Variants in PLEKHH2 observed in about 807,000 individuals in gnomAD.
The protein encoded by PLEKHH2 is pleckstrin homology domain-containing family H member 2.
In PLEKHH2, 129 loss-of-function variants were observed where a neutral mutation model predicts 187.9. The observed-to-expected ratio is 0.69, with a 90% CI of 0.59 to 0.79. The LOEUF is 0.79. PLEKHH2 is among the 30% of genes least tolerant of loss of function. The probability of loss-of-function intolerance (pLI) is 0.00; values close to 1 mark genes in which losing one functional copy is unlikely to be tolerated. For missense variants in PLEKHH2, 2,076 were observed against 1,751.2 expected (o/e 1.19, Z -3.31); for synonymous variants, 686 against 605.6 (o/e 1.13, Z -1.95).
At chr2:43,683,903 A>G (rs528676518) in intron 3 of PLEKHH2, among the ~76,000 whole-genome samples, 2 of 152,274 alleles carry the variant, frequency 1.3e-5, no homozygotes, top group East Asian at 3.9e-4. Context: ...TCAGATTTAC[A>G]GCAAAATTGA....
chr2:43,669,060 T>G lies in PLEKHH2; in HGVS notation c.124-9803T>G, dbSNP rs549000972. Among the ~76,000 whole-genome samples, 11 of 152,280 alleles carry G rather than the reference T, an allele frequency of 7.2e-5. No homozygotes were observed. The East Asian group carries it at 2.1e-3, about 29-fold the overall frequency. ...AGAGCTCCAGGAATAGTCCGTTACT[T>G]AAACTTACAAGGGCTTCTCAGTCCT... On this transcript the variant is annotated intron_variant, in intron 2 of 29. Coordinates refer to ENST00000282406, the MANE Select transcript of PLEKHH2 (RefSeq NM_172069.4).
At chr2:43,740,805 G>T (rs1671528330) in intron 20 of PLEKHH2, 141 bp from the exon 21 acceptor site, 4 of 1,365,598 alleles carry the variant, frequency 2.9e-6, no homozygotes, top group Admixed American at 3.1e-5. Flanking sequence ...TATGATAAAT[G>T]CTGTAAACAG....
intron 24 of PLEKHH2, among the ~76,000 whole-genome samples, chr2:43,751,214 G>A (rs1030105891): frequency 2.6e-5 from 4 of 152,210 alleles, no homozygotes; most frequent in Admixed American, 1.3e-4. Context: ...TGACGCATAC[G>A]TACAAGAGGT....
At position 43,697,173 on chromosome 2, in the gene PLEKHH2, G is replaced by A. The variant is rs773800805; in HGVS notation, c.505G>A (p.Val169Ile). The A allele has an allele frequency of 6.4e-7, 1 of 1,566,554 alleles. No homozygotes were observed. ...IRTMQSKLQEVQGKKSSTVST... is the reference protein window; with the variant it reads ...IRTMQSKLQEIQGKKSSTVST... The stretch of plus-strand genomic sequence containing the variant: ...AATTTTGATTAACGATGTTGTAGAA[G>A]TTCAAGGAAAGAAGTCATCCACTGT... Residue 169 changes from valine (V) to isoleucine (I), a missense_variant and splice_region_variant, in exon 7 of 30, where the codon GTT becomes ATT. Transcript: ENST00000282406.
At chr2:43,709,240 G>T (rs1433349374) in intron 11 of PLEKHH2, among the ~76,000 whole-genome samples, 1 of 152,078 alleles carries the variant, frequency 6.6e-6, no homozygotes, top group Non-Finnish European at 1.5e-5. Flanking sequence ...TCTGTAAACT[G>T]CTTAGTAGCT....
Position 43,678,112 on chromosome 2 carries a change from G to A in PLEKHH2, c.124-751G>A, listed in dbSNP as rs193086070. Among the ~76,000 whole-genome samples, 501 of 151,544 alleles carry A rather than the reference G, an allele frequency of 3.3e-3. 7 individuals carry two copies. The highest frequency in any genetic ancestry group is 1.0e-3 in the Non-Finnish European group (68 of 67,852). On this transcript the variant is annotated intron_variant, in intron 2 of 29. Coordinates refer to ENST00000282406, the MANE Select transcript of PLEKHH2 (RefSeq NM_172069.4). ...AGAGGCGCTCCTCACATTCCAGACCGGGCGGCGGGGCAGAGGCGCTCCCCA... is the reference window on the plus strand; with the variant it reads ...AGAGGCGCTCCTCACATTCCAGACCAGGCGGCGGGGCAGAGGCGCTCCCCA...
intron 24 of PLEKHH2, among the ~76,000 whole-genome samples, chr2:43,751,966 G>C (rs1272143024): frequency 2.2e-5 from 3 of 135,782 alleles, no homozygotes; most frequent in African/African-American, 8.8e-5. Flanking sequence ...CTTTTCCCCT[G>C]TCAGGCTCAA....
intron 18 of PLEKHH2, 64 bp from the exon 19 acceptor site, chr2:43,731,426 T>C (rs1405269482): frequency 1.8e-6 from 2 of 1,105,684 alleles, no homozygotes; most frequent in African/African-American, 3.1e-5. Context: ...AAAGGATTAA[T>C]TTAATAAGAG....
rs922696146 is a variant in PLEKHH2 at position 43,710,557 on chromosome 2, T to C, written c.2283T>C (p.Asp761=). 9 of 1,562,350 alleles carry C rather than the reference T, an allele frequency of 5.8e-6. No individual in the cohort carries two copies. The highest frequency in any genetic ancestry group is 5.6e-5 in the Admixed American group (3 of 53,338). ...LSASCSILRG[D]NKQTVQLTTE... The stretch of plus-strand genomic sequence containing the variant: ...CATCCTGTAGTATTTTAAGAGGAGA[T>C]AACAAACAAACAGTTCAGGTACTTA... The change falls in exon 14 of 30, where the codon GAT becomes GAC. Residue 761 remains aspartate, a synonymous_variant. Transcript: ENST00000282406.
chr2:43,678,158 C>A (rs34770035), intron 2 of PLEKHH2, among the ~76,000 whole-genome samples: 2 of 150,284 alleles, frequency 1.3e-5, no homozygotes, highest in Admixed American at 1.3e-4. Context: ...GATGGGTGGC[C>A]GGGCAGAGAG....
At chr2:43,718,143 T>G (rs1392548082) in intron 15 of PLEKHH2, among the ~76,000 whole-genome samples, 2 of 152,248 alleles carry the variant, frequency 1.3e-5, no homozygotes, top group Non-Finnish European at 2.9e-5. Context: ...AAAATTATTC[T>G]TTTAATTAGA....
chr2:43,740,663 C>T (rs1266626432), intron 20 of PLEKHH2, among the ~76,000 whole-genome samples: 5 of 152,114 alleles, frequency 3.3e-5, no homozygotes, highest in Non-Finnish European at 7.4e-5. Context: ...AACAATGTTC[C>T]TAATCTTTGA....
intron 8 of PLEKHH2, 86 bp downstream of exon 8, chr2:43,700,694 C>A (rs1669321517): frequency 6.7e-7 from 1 of 1,481,714 alleles, no homozygotes; most frequent in Non-Finnish European, 9.0e-7. Context: ...GCTCTGTCGC[C>A]CAAGCTGGAG....
chr2:43,749,203 T>C (rs1266057432), intron 24 of PLEKHH2, among the ~76,000 whole-genome samples: 1 of 152,140 alleles, frequency 6.6e-6, no homozygotes, highest in East Asian at 1.9e-4. Context: ...CTAACAAACA[T>C]CACAAGGAAG....
At position 43,766,064 on chromosome 2, in the gene PLEKHH2, G is replaced by C. The variant is rs1305226345; in HGVS notation, c.*466G>C. 1.3e-5 allele frequency: 2 copies of C among 154,424 alleles called. No homozygotes were observed. The highest frequency in any genetic ancestry group is 4.8e-5 in the African/African-American group (2 of 41,458). The allele number at this position is 154,424 out of a possible 1,614,324, so 9.6% of individuals were successfully genotyped here. On this transcript the variant is annotated 3_prime_UTR_variant, in exon 30 of 30. Coordinates refer to ENST00000282406, the MANE Select transcript of PLEKHH2 (RefSeq NM_172069.4). ...AATTAATGATATAGTGTTTGGAAAG[G>C]AGTAGAACATGCAGCATAAGAAACT...
In PLEKHH2 at chr2:43,712,352, G is replaced by A. The variant is rs1223033014; in HGVS notation, c.2429G>A (p.Gly810Asp). ...AACCCACTTTCCCTGCAGCCTGAGG[G>A]CAAACCCACCATGAAGGGATTGCTC... is the stretch of plus-strand genomic sequence containing the variant. ...AANPLSLQPE[G>D]KPTMKGLLTK... is the part of the protein sequence containing the mutation. Residue 810 changes from glycine (G) to aspartate (D), a missense_variant, in exon 15 of 30, where the codon GGC becomes GAC. Coordinates refer to ENST00000282406, the MANE Select transcript of PLEKHH2 (RefSeq NM_172069.4). 1 of 1,614,130 alleles carries A rather than the reference G, an allele frequency of 6.2e-7. No individual in the cohort carries two copies. The highest frequency in any genetic ancestry group is 8.5e-7 in the Non-Finnish European group (1 of 1,180,006).
At chr2:43,741,313 G>C (rs1671550407) in intron 21 of PLEKHH2, 1 of 241,298 alleles carries the variant, frequency 4.1e-6, no homozygotes, top group Non-Finnish European at 7.9e-6. Context: ...AAGTATGAAT[G>C]ACTTAGCATT....
At chr2:43,742,263 A>G (rs957805571) in intron 21 of PLEKHH2, among the ~76,000 whole-genome samples, 4 of 151,964 alleles carry the variant, frequency 2.6e-5, no homozygotes, top group Non-Finnish European at 5.9e-5. Context: ...CAGCCTCCCA[A>G]AGTGCTGGGA....
At chr2:43,758,197 A>G (rs1262086372) in intron 26 of PLEKHH2, among the ~76,000 whole-genome samples, 1 of 152,212 alleles carries the variant, frequency 6.6e-6, no homozygotes, top group South Asian at 2.1e-4. Context: ...TCTCCAAGCC[A>G]GGGGTGGGAG....
Sources: allele counts gnomAD v4.1 joint callset (sites outside exome capture counted in the v4.1 genomes callset), GRCh38; gene constraint gnomAD v4.1.1; transcripts MANE v1.5; gene names NCBI Gene and HGNC (gene_info 2026-07-23, HGNC 2026-07-21).